Variants in CSGALNACT1 observed in about 807,000 individuals in gnomAD.
The protein encoded by CSGALNACT1 is chondroitin sulfate N-acetylgalactosaminyltransferase 1.
In CSGALNACT1, 52 loss-of-function variants were observed where a neutral mutation model predicts 51.0. The ratio of observed to expected loss-of-function variants is 1.02; its 90% CI spans 0.82 to 1.29. CSGALNACT1 has a LOEUF of 1.29. Ranked by LOEUF, CSGALNACT1 falls within the 50% of genes most tolerant of loss-of-function variation. CSGALNACT1 has a pLI of 0.00. For missense variants in CSGALNACT1, 935 were observed against 679.2 expected (o/e 1.38, Z -4.19); for synonymous variants, 341 against 254.4 (o/e 1.34, Z -3.24).
At position 19,598,523 on chromosome 8, in the gene CSGALNACT1, C is replaced by T. The variant is rs189615703; in HGVS notation, c.-416+3248G>A. Among the ~76,000 whole-genome samples, 542 of 152,302 alleles carry T rather than the reference C, an allele frequency of 3.6e-3. 11 individuals carry two copies. The highest frequency in any genetic ancestry group is 0.033 in the Admixed American group (512 of 15,306). On this transcript the variant is annotated intron_variant, in intron 2 of 9. Coordinates refer to ENST00000454498, the Ensembl canonical transcript of CSGALNACT1. ...ATAGGAGCAACTTGCCCAGTTAGTA[C>T]ATTAGAGTTTTATATTATTATTTAC... is the stretch of plus-strand genomic sequence containing the variant.
chr8:19,725,000 C>T (rs1044366687), intron 1 of CSGALNACT1, among the ~76,000 whole-genome samples: 1 of 152,202 alleles, frequency 6.6e-6, no homozygotes, highest in Admixed American at 6.5e-5. Flanking sequence ...TCCTCCCTGG[C>T]TTCATTGTGG....
intron 3 of CSGALNACT1, among the ~76,000 whole-genome samples, chr8:19,549,869 T>C (rs938768943): frequency 1.3e-5 from 2 of 152,106 alleles, no homozygotes; most frequent in African/African-American, 4.8e-5. Flanking sequence ...GCTGTATTTC[T>C]TCTAGGTTCC....
chr8:19,630,998 G>C (rs1317948980), intron 1 of CSGALNACT1, among the ~76,000 whole-genome samples: 2 of 152,102 alleles, frequency 1.3e-5, no homozygotes, highest in Non-Finnish European at 2.9e-5. Context: ...TTTCATTGGA[G>C]CTCGCTGGGT....
intron 8 of CSGALNACT1, among the ~76,000 whole-genome samples, chr8:19,412,553 C>G (rs894216447): frequency 2.0e-5 from 3 of 152,198 alleles, no homozygotes; most frequent in Non-Finnish European, 4.4e-5. Context: ...CAATCAGAGT[C>G]TCTCCTCAGC....
intron 6 of CSGALNACT1, among the ~76,000 whole-genome samples, chr8:19,427,710 C>T (rs1325717756): frequency 6.6e-6 from 1 of 152,118 alleles, no homozygotes; most frequent in Admixed American, 6.5e-5. Flanking sequence ...ATGGTGTGAA[C>T]CCAGTGGGCG....
intron 1 of CSGALNACT1, among the ~76,000 whole-genome samples, chr8:19,749,598 G>A (rs2154252986): frequency 6.6e-6 from 1 of 152,158 alleles, no homozygotes. Context: ...AAACCACTTG[G>A]AACATCTCTC....
At chr8:19,549,223 A>G (rs2087280494) in intron 3 of CSGALNACT1, among the ~76,000 whole-genome samples, 1 of 152,088 alleles carries the variant, frequency 6.6e-6, no homozygotes, top group Admixed American at 6.5e-5. Context: ...TCTCCCCTCG[A>G]AAATCCAATC....
chr8:19,523,452 T>C (rs558468472), intron 3 of CSGALNACT1, among the ~76,000 whole-genome samples: 1 of 151,950 alleles, frequency 6.6e-6, no homozygotes, highest in Admixed American at 6.6e-5. Context: ...TTACTTTTTG[T>C]GGAGACGTAG....
chr8:19,728,057 C>T (rs577717709), intron 1 of CSGALNACT1, among the ~76,000 whole-genome samples: 4 of 152,216 alleles, frequency 2.6e-5, no homozygotes, highest in South Asian at 4.1e-4. Flanking sequence ...GATTAAGAAC[C>T]CACACTCAGG....
chr8:19,609,052 A>G (rs943439207), intron 1 of CSGALNACT1, among the ~76,000 whole-genome samples: 5 of 152,120 alleles, frequency 3.3e-5, no homozygotes, highest in African/African-American at 1.2e-4. Context: ...CATACTGTCC[A>G]CATTTTCCAG....
At chr8:19,632,813 T>C (rs1217141369) in intron 1 of CSGALNACT1, among the ~76,000 whole-genome samples, 1 of 152,116 alleles carries the variant, frequency 6.6e-6, no homozygotes, top group African/African-American at 2.4e-5. Flanking sequence ...TGGAGTGCAG[T>C]GGAACGGTCA....
intron 1 of CSGALNACT1, among the ~76,000 whole-genome samples, chr8:19,755,456 C>CAAAAAAAAAAAAGAAAAAAAA (rs2065300858): frequency 1.3e-5 from 1 of 74,532 alleles, no homozygotes; most frequent in Non-Finnish European, 2.5e-5. Flanking sequence ...TAAAGAAAGA[C>CAAAAAAAAAAAAGAAAAAAAA]AAAAAAAAAA....
chr8:19,635,376 T>G (rs1285460070), intron 1 of CSGALNACT1, among the ~76,000 whole-genome samples: 1 of 152,212 alleles, frequency 6.6e-6, no homozygotes, highest in Non-Finnish European at 1.5e-5. Flanking sequence ...TGCCCTCACT[T>G]TAGACACCAA....
At chr8:19,411,517 T>C (rs1224136523) in intron 8 of CSGALNACT1, among the ~76,000 whole-genome samples, 1 of 152,234 alleles carries the variant, frequency 6.6e-6, no homozygotes, top group Non-Finnish European at 1.5e-5. Context: ...CGTTGCAAGA[T>C]GTTCGCCAGC....
chr8:19,529,450 G>A (rs991186377), intron 3 of CSGALNACT1, among the ~76,000 whole-genome samples: 1 of 152,136 alleles, frequency 6.6e-6, no homozygotes, highest in Non-Finnish European at 1.5e-5. Flanking sequence ...ACAAGTAGGA[G>A]CTAAATCAAG....
rs567085444 is a variant in CSGALNACT1, at chr8:19,687,957, C to T, written c.-297+69893G>A. 2.6e-5 allele frequency among the ~76,000 whole-genome samples: 4 copies of T among 152,276 alleles called. No homozygotes were observed. The South Asian group carries it at 8.3e-4, about 32-fold the overall frequency. ...AAACAGCCACTGACTTACAGGATGA[C>T]AAATAATCAGTTTCTTACATCCGTG... is the stretch of plus-strand genomic sequence containing the variant. On this transcript the variant is annotated intron_variant, in intron 1 of 1. Coordinates refer to the CSGALNACT1 transcript ENST00000517494.
At chr8:19,521,442 G>T (rs915273473) in intron 3 of CSGALNACT1, among the ~76,000 whole-genome samples, 21 of 152,192 alleles carry the variant, frequency 1.4e-4, no homozygotes, top group African/African-American at 5.1e-4. Flanking sequence ...TAGCACTCTG[G>T]GAGGCTGAAG....
chr8:19,637,342 G>A (rs555741384), intron 1 of CSGALNACT1, among the ~76,000 whole-genome samples: 20 of 152,262 alleles, frequency 1.3e-4, no homozygotes, highest in African/African-American at 3.6e-4. Context: ...GGAGTTGGTC[G>A]TTTTAGTAAT....
chr8:19,664,646 A>C (rs111774070), intron 1 of CSGALNACT1, among the ~76,000 whole-genome samples: 5 of 150,590 alleles, frequency 3.3e-5, no homozygotes, highest in African/African-American at 9.8e-5. Context: ...CAAACACACA[A>C]ACACACACAC....
Sources: allele counts gnomAD v4.1 joint callset (sites outside exome capture counted in the v4.1 genomes callset), GRCh38; gene constraint gnomAD v4.1.1; transcripts MANE v1.5; gene names NCBI Gene and HGNC (gene_info 2026-07-23, HGNC 2026-07-21).